Variants in NTNG1 observed in about 807,000 individuals in gnomAD.
NTNG1 encodes netrin-G1.
A neutral mutation model predicts 54.0 loss-of-function variants in NTNG1; 16 were observed. The ratio of observed to expected loss-of-function variants is 0.30; its 90% CI spans 0.20 to 0.45. The LOEUF is 0.45. NTNG1 is among the 20% of genes least tolerant of loss of function. NTNG1 has a pLI of 1.00. For missense variants in NTNG1, 530 were observed against 678.7 expected, an observed-to-expected ratio of 0.78 and a Z score of 2.43; for synonymous variants, 255 against 263.1, an observed-to-expected ratio of 0.97 and a Z score of 0.30.
intron 2 of NTNG1, among the ~76,000 whole-genome samples, chr1:107,176,653 C>T (rs1656673547): frequency 6.6e-6 from 1 of 152,132 alleles, no homozygotes; most frequent in Admixed American, 6.6e-5. Flanking sequence ...TAGGAATTGA[C>T]TAACATGGAT....
intron 1 of NTNG1, among the ~76,000 whole-genome samples, chr1:107,145,826 C>T (rs1654065987): frequency 6.6e-6 from 1 of 152,006 alleles, no homozygotes; most frequent in African/African-American, 2.4e-5. Flanking sequence ...TGGTGTAGTC[C>T]ATAATTCTGT....
intron 3 of NTNG1, among the ~76,000 whole-genome samples, chr1:107,375,515 T>C (rs1256676173): frequency 6.6e-6 from 1 of 152,278 alleles, no homozygotes; most frequent in Non-Finnish European, 1.5e-5. Flanking sequence ...TTTTTTCCAG[T>C]GATTACTGAC....
intron 2 of NTNG1, among the ~76,000 whole-genome samples, chr1:107,274,869 A>T (rs12122299): frequency 0.15 from 23,334 of 152,164 alleles, 2,371 homozygotes; most frequent in African/African-American, 0.29. Flanking sequence ...GCACTGTGTC[A>T]GCTTAGACAC....
chr1:107,180,492 A>G (rs977925423), intron 2 of NTNG1, among the ~76,000 whole-genome samples: 1 of 152,192 alleles, frequency 6.6e-6, no homozygotes, highest in African/African-American at 2.4e-5. Context: ...AAGCAATTTT[A>G]TGTTTTCTAT....
At chr1:107,439,664 T>C (rs372441675) in intron 7 of NTNG1, among the ~76,000 whole-genome samples, 2 of 152,214 alleles carry the variant, frequency 1.3e-5, no homozygotes, top group East Asian at 1.9e-4. Flanking sequence ...GGGCTGGTAT[T>C]CTATGTTAAA....
At chr1:107,300,638 T>C (rs780769148) in intron 2 of NTNG1, among the ~76,000 whole-genome samples, 1 of 152,206 alleles carries the variant, frequency 6.6e-6, no homozygotes, top group Non-Finnish European at 1.5e-5. Flanking sequence ...TTTTGTGATA[T>C]CCAGAATTAT....
chr1:107,441,192 T>A (rs955597319), intron 7 of NTNG1, among the ~76,000 whole-genome samples: 2 of 151,956 alleles, frequency 1.3e-5, no homozygotes, highest in Admixed American at 6.6e-5. Flanking sequence ...ACTAAATAGT[T>A]GTTATCAGCG....
intron 2 of NTNG1, among the ~76,000 whole-genome samples, chr1:107,166,283 A>G (rs1388995727): frequency 2.6e-5 from 4 of 152,196 alleles, no homozygotes; most frequent in African/African-American, 9.7e-5. Context: ...CTTTCCTTTT[A>G]AAATAAGTTT....
chr1:107,150,870 A>G (rs1038357371), intron 2 of NTNG1, among the ~76,000 whole-genome samples: 3 of 152,232 alleles, frequency 2.0e-5, no homozygotes, highest in African/African-American at 7.2e-5. Flanking sequence ...CTCTCAGTCC[A>G]TTGGCTAAGT....
intron 2 of NTNG1, among the ~76,000 whole-genome samples, chr1:107,280,745 A>G (rs1215535368): frequency 6.6e-6 from 1 of 151,608 alleles, no homozygotes; most frequent in Non-Finnish European, 1.5e-5. Flanking sequence ...TGCAGGCTGC[A>G]AGCCTCAGGA....
At chr1:107,477,792 C>A (rs1678425067) in intron 7 of NTNG1, among the ~76,000 whole-genome samples, 1 of 152,000 alleles carries the variant, frequency 6.6e-6, no homozygotes, top group Admixed American at 6.6e-5. Flanking sequence ...TCTGCCAAAC[C>A]AGGTACTCCT....
intron 2 of NTNG1, among the ~76,000 whole-genome samples, chr1:107,301,008 T>G (rs540435193): frequency 6.6e-6 from 1 of 152,156 alleles, no homozygotes; most frequent in Non-Finnish European, 1.5e-5. Context: ...TAAAAGCTTA[T>G]GACTTTTTGA....
At chr1:107,302,792 A>G (rs1253907603) in intron 2 of NTNG1, among the ~76,000 whole-genome samples, 1 of 152,164 alleles carries the variant, frequency 6.6e-6, no homozygotes, top group Non-Finnish European at 1.5e-5. Context: ...TAGAGGCAAG[A>G]CCACAGATGA....
intron 7 of NTNG1, among the ~76,000 whole-genome samples, chr1:107,458,615 T>G (rs1677093404): frequency 6.6e-6 from 1 of 152,158 alleles, no homozygotes. Flanking sequence ...ATTCACAGAT[T>G]AACAATATTC....
intron 3 of NTNG1, among the ~76,000 whole-genome samples, chr1:107,386,066 T>C (rs1204471965): frequency 6.8e-6 from 1 of 148,014 alleles, no homozygotes; most frequent in Non-Finnish European, 1.5e-5. Flanking sequence ...AAGGAAACTG[T>C]ATATATACAT....
intron 2 of NTNG1, among the ~76,000 whole-genome samples, chr1:107,239,674 T>A (rs1023916025): frequency 5.3e-5 from 8 of 152,188 alleles, no homozygotes; most frequent in Non-Finnish European, 1.0e-4. Context: ...GGAGCCATGA[T>A]GTTTAGTTAT....
At chr1:107,274,054 A>C (rs991043813) in intron 2 of NTNG1, among the ~76,000 whole-genome samples, 6 of 152,190 alleles carry the variant, frequency 3.9e-5, no homozygotes, top group Admixed American at 6.5e-5. Flanking sequence ...CAGTCACCCT[A>C]TTAAGGAGTA....
intron 3 of NTNG1, among the ~76,000 whole-genome samples, chr1:107,391,849 C>T (rs11185106): frequency 0.49 from 74,615 of 151,892 alleles, 18,419 homozygotes; most frequent in Middle Eastern, 0.55. Context: ...CAGGTCCCTC[C>T]CTAGCATTGG....
chr1:107,175,782 C>T (rs778320289), intron 2 of NTNG1, among the ~76,000 whole-genome samples: 7 of 152,040 alleles, frequency 4.6e-5, no homozygotes, highest in Non-Finnish European at 1.0e-4. Flanking sequence ...TCTAGGACAC[C>T]ATATTTCAAC....
Sources: allele counts gnomAD v4.1 joint callset (sites outside exome capture counted in the v4.1 genomes callset), GRCh38; gene constraint gnomAD v4.1.1; transcripts MANE v1.5; gene names NCBI Gene and HGNC (gene_info 2026-07-23, HGNC 2026-07-21).